The following PRKG2 variants were observed in gnomAD, a reference collection of about 807,000 sequenced individuals.
PRKG2 encodes the protein cGMP-dependent protein kinase 2.
Under a neutral mutation model 97.2 loss-of-function variants are expected in PRKG2, and 33 were observed. The observed-to-expected ratio is 0.34, with a 90% CI of 0.26 to 0.45. PRKG2 has a LOEUF of 0.45. Among genes scored for constraint, PRKG2 ranks in the 20% least tolerant of loss-of-function variants. The pLI is 1.00. For synonymous variants in PRKG2, 330 were observed against 321.8 expected, an observed-to-expected ratio of 1.03 and a Z score of -0.27; for missense variants, 638 against 900.0, an observed-to-expected ratio of 0.71 and a Z score of 3.73.
intron 15 of PRKG2, among the ~76,000 whole-genome samples, chr4:81,108,477 GTTTT>G (rs58784804): frequency 7.2e-6 from 1 of 138,774 alleles, no homozygotes; most frequent in Non-Finnish European, 1.6e-5. Context: ...AACACTATTG[GTTTT>G]TTTTTTTTTT....
At chr4:81,174,675 T>G in intron 3 of PRKG2, 118 bp downstream of exon 3, 1 of 1,032,936 alleles carries the variant, frequency 9.7e-7, no homozygotes. Flanking sequence ...ATTTCATGAT[T>G]CAATATGTTA....
chr4:81,146,216 C>A (rs1021637107), intron 9 of PRKG2, among the ~76,000 whole-genome samples: 1 of 152,150 alleles, frequency 6.6e-6, no homozygotes, highest in African/African-American at 2.4e-5. Context: ...GTAAACAAAT[C>A]TTATTTTCTA....
intron 2 of PRKG2, among the ~76,000 whole-genome samples, chr4:81,178,800 G>T (rs1050737739): frequency 6.6e-6 from 1 of 151,910 alleles, no homozygotes; most frequent in Admixed American, 6.6e-5. Flanking sequence ...TAATTGAGCT[G>T]AAACAATATA....
chr4:81,090,161 C>A (rs1741401224), intron 18 of PRKG2, among the ~76,000 whole-genome samples: 1 of 152,120 alleles, frequency 6.6e-6, no homozygotes, highest in Non-Finnish European at 1.5e-5. Context: ...AGTTCGAGAC[C>A]AGCCTGGCCA....
chr4:81,110,409 C>A, intron 15 of PRKG2, 39 bp downstream of exon 15: 1 of 1,580,422 alleles, frequency 6.3e-7, no homozygotes, highest in Non-Finnish European at 8.6e-7. Flanking sequence ...TTTTGCATTT[C>A]TCTGAAGAGG....
intron 14 of PRKG2, among the ~76,000 whole-genome samples, chr4:81,120,962 T>G (rs2110001893): frequency 6.6e-6 from 1 of 152,292 alleles, no homozygotes; most frequent in Middle Eastern, 3.4e-3. Flanking sequence ...GTCGAGAAAG[T>G]TCTCCTCTGT....
intron 2 of PRKG2, chr4:81,176,161 C>T (rs1233569073): frequency 1.3e-5 from 2 of 152,082 alleles, no homozygotes; most frequent in Non-Finnish European, 2.9e-5. Flanking sequence ...TGACTCAAAG[C>T]TATTCAAATT....
chr4:81,204,814 C>T lies in PRKG2; in HGVS notation c.234G>A (p.Gln78=). The stretch of plus-strand genomic sequence containing the variant: ...GCACCACATCCTGCAGCTTGTTCAG[C>T]TGGATGCACTTGTTCTGGAGCTCCT... ...LTEELQNKCI[Q]LNKLQDVVHM... Residue 78 remains glutamine, a synonymous_variant, in exon 2 of 19, where the codon CAG becomes CAA. Transcript: ENST00000264399. 1 of 1,614,210 alleles carries T rather than the reference C, an allele frequency of 6.2e-7. No homozygotes were observed. Among genetic ancestry groups the T allele is most frequent in the Non-Finnish European group, 8.5e-7 (1 of 1,180,042 alleles).
At chr4:81,157,697 C>T (rs554793794) in intron 6 of PRKG2, among the ~76,000 whole-genome samples, 1 of 152,008 alleles carries the variant, frequency 6.6e-6, no homozygotes, top group East Asian at 1.9e-4. Flanking sequence ...TACTGGCAAA[C>T]CGAATCCAGC....
In PRKG2 at chr4:81,089,791, T is replaced by G; in HGVS notation, c.2206A>C (p.Ile736Leu). ...SPLQRELKGP[I>L]DHSYFDKYPP... The stretch of plus-strand genomic sequence containing the variant: ...TATTTGTCAAAGTAGCTGTGATCTA[T>G]GGGTCCCTTGAGCTAATATAGAAAT... Residue 736 changes from isoleucine to leucine, a missense_variant, in exon 19 of 19, where the codon ATA becomes CTA. Transcript: ENST00000264399. 6.2e-7 allele frequency: 1 copy of G among 1,607,592 alleles called. No individual in the cohort carries two copies.
intron 1 of PRKG2, among the ~76,000 whole-genome samples, chr4:81,213,596 T>A (rs1280348866): frequency 6.6e-6 from 1 of 152,160 alleles, no homozygotes; most frequent in East Asian, 1.9e-4. Flanking sequence ...CAAGACGATA[T>A]CATGATTCAT....
At chr4:81,178,029 T>G (rs1329001148) in intron 2 of PRKG2, among the ~76,000 whole-genome samples, 3 of 146,440 alleles carry the variant, frequency 2.0e-5, no homozygotes, top group Non-Finnish European at 4.5e-5. Flanking sequence ...TAGTTCTTAC[T>G]CCTAGGCTGC....
chr4:81,153,593 A>C (rs752904664), intron 7 of PRKG2, 51 bp downstream of exon 7: 3 of 1,433,380 alleles, frequency 2.1e-6, no homozygotes, highest in Non-Finnish European at 2.9e-6. Context: ...GTTTATGGCA[A>C]ACTGATTTAA....
chr4:81,138,013 G>A (rs1746882505), intron 12 of PRKG2, among the ~76,000 whole-genome samples: 1 of 152,190 alleles, frequency 6.6e-6, no homozygotes, highest in African/African-American at 2.4e-5. Flanking sequence ...CAACACCTGT[G>A]GGGAAGGGAG....
At chr4:81,149,224 C>T (rs949630237) in intron 8 of PRKG2, among the ~76,000 whole-genome samples, 1 of 152,122 alleles carries the variant, frequency 6.6e-6, no homozygotes, top group Non-Finnish European at 1.5e-5. Flanking sequence ...TATGGAATCT[C>T]ATTCTGAGCT....
intron 13 of PRKG2, among the ~76,000 whole-genome samples, chr4:81,136,487 C>T (rs1002285021): frequency 6.6e-6 from 1 of 152,176 alleles, no homozygotes; most frequent in African/African-American, 2.4e-5. Context: ...CAATCTAACG[C>T]CAACCCACGT....
intron 1 of PRKG2, among the ~76,000 whole-genome samples, chr4:81,214,454 G>A (rs887190629): frequency 1.5e-4 from 22 of 149,790 alleles, no homozygotes; most frequent in Non-Finnish European, 3.3e-4. Flanking sequence ...AGCGCCTCAC[G>A]GTGCCCAGAG....
intron 2 of PRKG2, chr4:81,192,184 A>C (rs946294807): frequency 1.3e-5 from 2 of 152,226 alleles, no homozygotes; most frequent in African/African-American, 4.8e-5. Flanking sequence ...CTCTAGGAAC[A>C]AAAGAAGCCA....
intron 15 of PRKG2, among the ~76,000 whole-genome samples, chr4:81,109,861 G>A (rs892765155): frequency 6.6e-5 from 10 of 152,140 alleles, no homozygotes; most frequent in African/African-American, 1.9e-4. Flanking sequence ...CACTAACACA[G>A]TCCTTTAATC....
Sources: gnomAD v4.1 joint callset for allele counts (sites outside exome capture counted in the v4.1 genomes callset) on GRCh38, gnomAD v4.1.1 for gene constraint, MANE v1.5 for transcripts, NCBI Gene and HGNC (gene_info 2026-07-23, HGNC 2026-07-21) for gene names.